Variants in GALNT18 observed in about 807,000 individuals in gnomAD.
The protein encoded by GALNT18 is polypeptide N-acetylgalactosaminyltransferase 18, also known as GalNAc-transferase 18.
In GALNT18, 44 loss-of-function variants were observed where a neutral mutation model predicts 69.5. The observed-to-expected ratio is 0.63, with a 90% CI of 0.50 to 0.81. GALNT18 has a LOEUF of 0.81. Among genes scored for constraint, GALNT18 ranks in the 40% least tolerant of loss-of-function variants. The pLI is 0.00. For synonymous variants in GALNT18, 364 were observed against 318.2 expected (o/e 1.14, Z -1.53); for missense variants, 715 against 810.0 (o/e 0.88, Z 1.42).
chr11:11,295,945 A>G (rs1191456547), intron 9 of GALNT18, among the ~76,000 whole-genome samples: 1 of 152,136 alleles, frequency 6.6e-6, no homozygotes, highest in Non-Finnish European at 1.5e-5. Flanking sequence ...GAATCCTGAG[A>G]CTGTCCATTG....
At chr11:11,488,442 C>A (rs1158791635) in intron 1 of GALNT18, among the ~76,000 whole-genome samples, 1 of 151,962 alleles carries the variant, frequency 6.6e-6, no homozygotes, top group Admixed American at 6.6e-5. Context: ...GTGGACGATC[C>A]AGGATAACCT....
At chr11:11,330,944 T>C (rs551395802) in intron 8 of GALNT18, among the ~76,000 whole-genome samples, 62 of 152,318 alleles carry the variant, frequency 4.1e-4, no homozygotes, top group South Asian at 2.3e-3. Flanking sequence ...ATCCAGAAGC[T>C]TGCCCTGGCT....
At chr11:11,452,445 C>G (rs1044838971) in intron 1 of GALNT18, among the ~76,000 whole-genome samples, 1 of 152,224 alleles carries the variant, frequency 6.6e-6, no homozygotes, top group African/African-American at 2.4e-5. Context: ...GAAGCCCGCA[C>G]AAAGCCCACA....
chr11:11,531,746 C>T (rs1857653498), intron 1 of GALNT18, among the ~76,000 whole-genome samples: 1 of 152,216 alleles, frequency 6.6e-6, no homozygotes, highest in South Asian at 2.1e-4. Flanking sequence ...CTAGGTGTAA[C>T]AAGAGCTCCC....
rs771107115 is a variant in GALNT18, at chr11:11,349,251, G to A, written c.1093-8247C>T. On this transcript the variant is annotated intron_variant, in intron 6 of 10. Transcript: ENST00000227756. Reference sequence around the variant, plus strand: ...TCCGGTATTACGGATGGTGCTCCTCGGAACGCGCTTGTATGTGTCTCCTGG... The same window carrying A: ...TCCGGTATTACGGATGGTGCTCCTCAGAACGCGCTTGTATGTGTCTCCTGG... Among the ~76,000 whole-genome samples the A allele has an allele frequency of 2.5e-4, 38 of 152,186 alleles. 1 individual carries two copies. The highest frequency in any genetic ancestry group is 6.2e-4 in the South Asian group (3 of 4,822).
intron 1 of GALNT18, among the ~76,000 whole-genome samples, chr11:11,488,263 C>A (rs576295843): frequency 6.6e-6 from 1 of 152,186 alleles, no homozygotes; most frequent in African/African-American, 2.4e-5. Context: ...CCTGCAGGCT[C>A]TCGCGGAGAA....
chr11:11,462,282 TTTTTTTTC>T (rs1285824925), intron 1 of GALNT18, among the ~76,000 whole-genome samples: 1 of 133,638 alleles, frequency 7.5e-6, no homozygotes, highest in African/African-American at 2.7e-5. Context: ...TTCTTTTTTT[TTTTTTTTC>T]CTTTGCGATG....
intron 1 of GALNT18, among the ~76,000 whole-genome samples, chr11:11,457,928 T>C (rs997135608): frequency 1.3e-5 from 2 of 152,232 alleles, no homozygotes. Context: ...TGTTTGGTGA[T>C]AAGATCCAGA....
At chr11:11,335,030 C>T (rs903131960) in intron 7 of GALNT18, among the ~76,000 whole-genome samples, 2 of 152,240 alleles carry the variant, frequency 1.3e-5, no homozygotes, top group Non-Finnish European at 2.9e-5. Context: ...TTCATTCCTT[C>T]TCCCTTCATG....
At chr11:11,552,830 T>A (rs1039718016) in intron 1 of GALNT18, among the ~76,000 whole-genome samples, 11 of 152,064 alleles carry the variant, frequency 7.2e-5, no homozygotes, top group South Asian at 4.2e-4. Context: ...AACAGCCTGG[T>A]TTATTAAATA....
intron 1 of GALNT18, among the ~76,000 whole-genome samples, chr11:11,532,404 C>T (rs1857674879): frequency 6.6e-6 from 1 of 152,206 alleles, no homozygotes; most frequent in African/African-American, 2.4e-5. Context: ...AGCTAATGAG[C>T]AGTGAGAGGC....
rs146437361 is a variant in GALNT18, at chr11:11,340,825, C to T, written c.1272G>A (p.Pro424=). 500 of 1,607,050 alleles carry T rather than the reference C, an allele frequency of 3.1e-4. No individual in the cohort carries two copies. The highest frequency in any genetic ancestry group is 2.4e-3 in the African/African-American group (177 of 74,744). ...KSHVYMAWNI[P]QEDSGIDIGD... ...CCCTACCGGAGATCCCTACCTCCTGCGGTATGTTCCATGCCATGTAGACGT... is the reference window on the plus strand; with the variant it reads ...CCCTACCGGAGATCCCTACCTCCTGTGGTATGTTCCATGCCATGTAGACGT... Residue 424 remains proline, a synonymous_variant, in exon 7 of 11, where the codon CCG becomes CCA. Coordinates refer to ENST00000227756, the MANE Select transcript of GALNT18 (RefSeq NM_198516.3). The surrounding 1 kb of genome is among the most constrained non-coding windows in gnomAD (Gnocchi z 4.2).
intron 1 of GALNT18, chr11:11,476,005 A>G (rs897264213): frequency 2.0e-5 from 3 of 152,156 alleles, no homozygotes; most frequent in African/African-American, 7.2e-5. Flanking sequence ...CCCTGCCTGT[A>G]AGGTGAGATG....
chr11:11,420,973 G>A (rs190983286), intron 3 of GALNT18, among the ~76,000 whole-genome samples: 1 of 151,918 alleles, frequency 6.6e-6, no homozygotes, highest in African/African-American at 2.4e-5. Flanking sequence ...TGGTCACCTT[G>A]GCTAGTCCGT....
At chr11:11,304,279 C>T (rs1029427908) in intron 9 of GALNT18, among the ~76,000 whole-genome samples, 1 of 152,098 alleles carries the variant, frequency 6.6e-6, no homozygotes, top group African/African-American at 2.4e-5. Context: ...TAACATTCAC[C>T]CTTTGTCTTT....
In GALNT18 at chr11:11,430,403, C is replaced by T. The variant is rs1290708180; in HGVS notation, c.595+2218G>A. On this transcript the variant is annotated intron_variant, in intron 3 of 10. Coordinates refer to ENST00000227756, the MANE Select transcript of GALNT18 (RefSeq NM_198516.3). This position sits in a 1 kb window ranked among gnomAD's most constrained non-coding sequence, Gnocchi z 4.9. ...TCCACAGAGCTTGTTCGGATCTCTC[C>T]TTACATAGGCAGGCACTGGTTTGGG... is the stretch of plus-strand genomic sequence containing the variant. Among the ~76,000 whole-genome samples, 2 of 152,182 alleles carry T rather than the reference C, an allele frequency of 1.3e-5. No homozygotes were observed. The highest frequency in any genetic ancestry group is 2.9e-5 in the Non-Finnish European group (2 of 68,048).
intron 1 of GALNT18, among the ~76,000 whole-genome samples, chr11:11,589,228 C>T (rs1318188446): frequency 1.3e-5 from 2 of 152,080 alleles, no homozygotes; most frequent in Admixed American, 1.3e-4. Context: ...CTGCCACAGA[C>T]CAGTGAGGAA....
At chr11:11,310,470 TA>T (rs1590028062) in intron 9 of GALNT18, among the ~76,000 whole-genome samples, 1 of 152,228 alleles carries the variant, frequency 6.6e-6, no homozygotes, top group East Asian at 1.9e-4. Flanking sequence ...TGCGGAGATG[TA>T]AATCTATTCC....
chr11:11,541,231 A>G lies in GALNT18; in HGVS notation c.235+80128T>C, dbSNP rs567774820. On this transcript the variant is annotated intron_variant, in intron 1 of 10. Coordinates refer to ENST00000227756, the MANE Select transcript of GALNT18 (RefSeq NM_198516.3). The surrounding 1 kb of genome is among the most constrained non-coding windows in gnomAD (Gnocchi z 4.8). ...AATCAGGGTCAGCCCAGTGCCATGC[A>G]AATAATCGCCTGTGTTTTTGTGAAC... 9.2e-5 allele frequency among the ~76,000 whole-genome samples: 14 copies of G among 152,256 alleles called. No homozygotes were observed. The highest frequency in any genetic ancestry group is 2.6e-4 in the African/African-American group (11 of 41,560).
Sources: gnomAD v4.1 joint callset for allele counts (sites outside exome capture counted in the v4.1 genomes callset) on GRCh38, gnomAD v4.1.1 for gene constraint, Gnocchi (gnomAD v3.1) non-coding constraint, MANE v1.5 for transcripts, NCBI Gene and HGNC (gene_info 2026-07-23, HGNC 2026-07-21) for gene names.